DENND5B: variants seen among roughly 807,000 people sequenced by gnomAD.
DENND5B encodes DENN domain containing 5B, also known as DENN domain-containing protein 5B.
DENND5B carries 34 observed loss-of-function variants against 140.6 expected under a neutral mutation model. The ratio of observed to expected loss-of-function variants is 0.24; its 90% CI spans 0.18 to 0.32. The LOEUF is 0.32. Among genes scored for constraint, DENND5B ranks in the 10% least tolerant of loss-of-function variants. The pLI is 1.00. For synonymous variants in DENND5B, 551 were observed against 562.1 expected (o/e 0.98, Z 0.28); for missense variants, 1,142 against 1,560.2 (o/e 0.73, Z 4.52).
At chr12:31,394,269 T>C (rs749201246) in intron 17 of DENND5B, among the ~76,000 whole-genome samples, 5 of 142,806 alleles carry the variant, frequency 3.5e-5, no homozygotes, top group Non-Finnish European at 7.5e-5. Context: ...CTGAATACCA[T>C]TTTACATATA....
chr12:31,406,931 G>C (rs1654008), intron 14 of DENND5B, among the ~76,000 whole-genome samples: 140,755 of 151,622 alleles, frequency 0.93, 65,742 homozygotes, highest in East Asian at 0.99. Context: ...TCCTGAGTAG[G>C]TGGGACTAAA....
intron 1 of DENND5B, among the ~76,000 whole-genome samples, chr12:31,544,566 T>C (rs568679805): frequency 1.1e-4 from 16 of 152,266 alleles, no homozygotes; most frequent in Admixed American, 2.6e-4. Context: ...ATTAGAAGTG[T>C]GAACCACCAT....
intron 1 of DENND5B, among the ~76,000 whole-genome samples, chr12:31,501,699 G>T (rs1947008576): frequency 6.6e-6 from 1 of 150,920 alleles, no homozygotes; most frequent in African/African-American, 2.4e-5. Flanking sequence ...CCTGAACCCG[G>T]GAGGTGGAGG....
chr12:31,587,491 T>C (rs1950433264), intron 1 of DENND5B, among the ~76,000 whole-genome samples: 1 of 150,084 alleles, frequency 6.7e-6, no homozygotes, highest in Non-Finnish European at 1.5e-5. Context: ...TTCCTGCTGC[T>C]TCACCAAGCC....
Position 31,384,579 on chromosome 12 carries a change from T to G in DENND5B, c.*3024A>C, listed in dbSNP as rs1219222695. 1 of 152,158 alleles carries G rather than the reference T, an allele frequency of 6.6e-6. No individual in the cohort carries two copies. Among genetic ancestry groups the G allele is most frequent in the Non-Finnish European group, 1.5e-5 (1 of 68,040 alleles). The allele number at this position is 152,158 out of a possible 1,614,324, so 9.4% of individuals were successfully genotyped here. A position where few individuals can be genotyped will look rare whatever the true frequency, so the allele number is the denominator to read the frequency against. ...TAAGTACATGGGCTCACAAGGTGAC[T>G]GAAGGACCCATCATCCAAGAGGATG... On this transcript the variant is annotated 3_prime_UTR_variant, in exon 21 of 21. Transcript: ENST00000389082.
At chr12:31,447,511 T>G in intron 6 of DENND5B, 27 bp downstream of exon 6, 1 of 1,569,326 alleles carries the variant, frequency 6.4e-7, no homozygotes, top group African/African-American at 1.4e-5. Flanking sequence ...GGATTTTAAT[T>G]TAATTTAAAA....
rs189490619 is a variant in DENND5B at position 31,512,118 on chromosome 12, T to C, written c.128-16199A>G. Among the ~76,000 whole-genome samples, 743 of 151,994 alleles carry C rather than the reference T, an allele frequency of 4.9e-3. 4 individuals are homozygous for C. Among genetic ancestry groups the C allele is most frequent in the Non-Finnish European group, 7.8e-3 (528 of 67,994 alleles). The stretch of plus-strand genomic sequence containing the variant: ...TTTTAGTAGAGACGGGGTTTCACCA[T>C]GTTAATCAGGCTGGTCTCGAACTCC... On this transcript the variant is annotated intron_variant, in intron 1 of 20. Coordinates refer to ENST00000389082, the MANE Select transcript of DENND5B (RefSeq NM_144973.4).
At chr12:31,561,161 C>T (rs1248875005) in intron 1 of DENND5B, among the ~76,000 whole-genome samples, 3 of 152,184 alleles carry the variant, frequency 2.0e-5, no homozygotes, top group African/African-American at 7.2e-5. Context: ...TACTCAGGAT[C>T]TGTCCGAGTC....
chr12:31,556,221 T>G (rs1949276517), intron 1 of DENND5B, among the ~76,000 whole-genome samples: 1 of 152,170 alleles, frequency 6.6e-6, no homozygotes, highest in Non-Finnish European at 1.5e-5. Flanking sequence ...TTTTCTTTTT[T>G]TAAGATGCAG....
intron 1 of DENND5B, among the ~76,000 whole-genome samples, chr12:31,583,733 C>T (rs1950293149): frequency 6.6e-6 from 1 of 152,076 alleles, no homozygotes; most frequent in Admixed American, 6.6e-5. Context: ...GAATTTAGCA[C>T]AGTGTCTGGC....
At chr12:31,409,117 G>T in intron 14 of DENND5B, 146 bp downstream of exon 14, 1 of 867,550 alleles carries the variant, frequency 1.2e-6, no homozygotes, top group Non-Finnish European at 1.6e-6. Flanking sequence ...CTTAGCATTT[G>T]GGGAATATCC....
At chr12:31,423,385 A>G (rs1343331655) in intron 11 of DENND5B, among the ~76,000 whole-genome samples, 5 of 152,072 alleles carry the variant, frequency 3.3e-5, no homozygotes, top group African/African-American at 1.2e-4. Flanking sequence ...CATTTTTCCT[A>G]TTTTATAGAT....
chr12:31,516,479 A>G (rs1311664075), intron 1 of DENND5B, among the ~76,000 whole-genome samples: 2 of 124,862 alleles, frequency 1.6e-5, no homozygotes, highest in Non-Finnish European at 3.2e-5. Context: ...CCCTGTCTCA[A>G]AAAAAAAAAA....
intron 1 of DENND5B, among the ~76,000 whole-genome samples, chr12:31,557,375 T>C (rs1949321701): frequency 1.3e-5 from 2 of 152,138 alleles, no homozygotes; most frequent in Non-Finnish European, 2.9e-5. Flanking sequence ...ATATTCATAT[T>C]CATTTTTTTC....
chr12:31,485,153 G>A (rs569537436), intron 2 of DENND5B, among the ~76,000 whole-genome samples: 9 of 152,108 alleles, frequency 5.9e-5, no homozygotes, highest in Non-Finnish European at 7.3e-5. Flanking sequence ...AGCCTGCAGC[G>A]GGCACTGGTC....
chr12:31,398,056 C>T, intron 17 of DENND5B, 119 bp downstream of exon 17: 1 of 992,594 alleles, frequency 1.0e-6, no homozygotes, highest in Non-Finnish European at 1.4e-6. Context: ...ATGAATTTTC[C>T]TCAACTTTCT....
At chr12:31,566,188 T>G (rs898673121) in intron 1 of DENND5B, among the ~76,000 whole-genome samples, 7 of 152,044 alleles carry the variant, frequency 4.6e-5, no homozygotes, top group African/African-American at 1.7e-4. Context: ...GTCATGGTGG[T>G]GCACACCTGT....
intron 1 of DENND5B, among the ~76,000 whole-genome samples, chr12:31,499,197 T>C (rs566137894): frequency 9.2e-5 from 14 of 152,004 alleles, no homozygotes; most frequent in South Asian, 8.3e-4. Context: ...TCCCAGGAAA[T>C]GAAAAATTAC....
chr12:31,502,307 TG>T (rs1296663775), intron 1 of DENND5B, among the ~76,000 whole-genome samples: 1 of 150,092 alleles, frequency 6.7e-6, no homozygotes, highest in Admixed American at 6.7e-5. Context: ...AGAGCAAAGC[TG>T]TCTCAAAAAC....
Sources: gnomAD v4.1 joint callset for allele counts (sites outside exome capture counted in the v4.1 genomes callset) on GRCh38, gnomAD v4.1.1 for gene constraint, MANE v1.5 for transcripts, NCBI Gene and HGNC (gene_info 2026-07-23, HGNC 2026-07-21) for gene names.